The following CACNA2D3 variants were observed in gnomAD, a reference collection of about 807,000 sequenced individuals.
CACNA2D3 encodes voltage-dependent calcium channel subunit alpha-2/delta-3.
In CACNA2D3, 60 loss-of-function variants were observed where a neutral mutation model predicts 160.6. The ratio of observed to expected loss-of-function variants is 0.37; its 90% CI spans 0.30 to 0.46. The LOEUF is 0.46. CACNA2D3 is among the 20% of genes least tolerant of loss of function. The pLI, the probability that CACNA2D3 is intolerant of heterozygous loss-of-function variation, is 1.00. For missense variants in CACNA2D3, 1,205 were observed against 1,365.0 expected (o/e 0.88, Z 1.85); for synonymous variants, 558 against 492.9 (o/e 1.13, Z -1.75).
intron 11 of CACNA2D3, among the ~76,000 whole-genome samples, chr3:54,738,135 G>A (rs778132586): frequency 6.6e-6 from 1 of 152,172 alleles, no homozygotes; most frequent in African/African-American, 2.4e-5. Flanking sequence ...TTAGCAAGAA[G>A]GTTCCAAATA....
chr3:54,918,622 G>T, intron 27 of CACNA2D3: 1 of 1,614,194 alleles, frequency 6.2e-7, no homozygotes, highest in South Asian at 1.1e-5. Context: ...CACAACGCCA[G>T]TGATGATGAC....
chr3:54,263,850 G>A (rs906397978), intron 2 of CACNA2D3, among the ~76,000 whole-genome samples: 2 of 152,160 alleles, frequency 1.3e-5, no homozygotes, highest in Non-Finnish European at 2.9e-5. Flanking sequence ...ACCTGGCAGG[G>A]CTGGAATCTC....
intron 4 of CACNA2D3, among the ~76,000 whole-genome samples, chr3:54,476,880 A>G (rs576692945): frequency 1.3e-5 from 2 of 152,344 alleles, no homozygotes; most frequent in South Asian, 4.1e-4. Flanking sequence ...TTTCTAAGAC[A>G]TCAATAACTT....
Position 54,674,740 on chromosome 3 carries a change from TCAACTATTTTGAGGTCC to T in CACNA2D3, c.1167+32504_1167+32520del, listed in dbSNP as rs1213702442. 2.0e-5 allele frequency among the ~76,000 whole-genome samples: 3 copies of T among 152,096 alleles called. No individual in the cohort carries two copies. The East Asian group carries it at 5.8e-4, about 29-fold the overall frequency. ...GAGAGAGGTGGTAGACAGTGGAGGA[TCAACTATTTTGAGGTCC>T]CAACATATGGGAAGTGAGCTGATGG... On this transcript the variant is annotated intron_variant, in intron 11 of 37. Coordinates refer to ENST00000474759, the MANE Select transcript of CACNA2D3 (RefSeq NM_018398.3).
chr3:54,663,734 G>A (rs1700012749), intron 11 of CACNA2D3, among the ~76,000 whole-genome samples: 1 of 152,206 alleles, frequency 6.6e-6, no homozygotes, highest in African/African-American at 2.4e-5. Flanking sequence ...GCAGATGGGG[G>A]CTGAGCCCCT....
At chr3:55,041,057 A>G (rs1305838868) in intron 35 of CACNA2D3, among the ~76,000 whole-genome samples, 2 of 152,158 alleles carry the variant, frequency 1.3e-5, no homozygotes, top group Non-Finnish European at 2.9e-5. Flanking sequence ...GCCTTTCTTC[A>G]TATTATATTA....
intron 2 of CACNA2D3, among the ~76,000 whole-genome samples, chr3:54,312,883 G>A (rs1412449137): frequency 6.6e-6 from 1 of 152,130 alleles, no homozygotes; most frequent in Non-Finnish European, 1.5e-5. Context: ...GCCTTGCTGG[G>A]GCATCTCTGC....
chr3:54,191,292 GTTTTTTGTGATGGCAGAT>G (rs1342179482), intron 2 of CACNA2D3, among the ~76,000 whole-genome samples: 1 of 152,118 alleles, frequency 6.6e-6, no homozygotes, highest in East Asian at 1.9e-4. Context: ...ATCTTCAGTG[GTTTTTTGTGATGGCAGAT>G]CACATCAGAT....
intron 13 of CACNA2D3, among the ~76,000 whole-genome samples, chr3:54,788,030 T>C (rs955482193): frequency 1.3e-5 from 2 of 152,228 alleles, no homozygotes; most frequent in African/African-American, 2.4e-5. Context: ...TAATCATTGC[T>C]GTTGGCTTCT....
chr3:54,531,851 C>T (rs1056531442), intron 5 of CACNA2D3, among the ~76,000 whole-genome samples: 1 of 152,230 alleles, frequency 6.6e-6, no homozygotes, highest in Non-Finnish European at 1.5e-5. Context: ...CATGTTGTCA[C>T]TGCGCTAGTC....
intron 4 of CACNA2D3, among the ~76,000 whole-genome samples, chr3:54,451,814 A>G (rs1700313096): frequency 6.6e-6 from 1 of 152,206 alleles, no homozygotes; most frequent in Non-Finnish European, 1.5e-5. Flanking sequence ...GTCATCACTT[A>G]TAAGTTCTGC....
At chr3:55,068,867 G>A (rs1350309972) in intron 35 of CACNA2D3, among the ~76,000 whole-genome samples, 1 of 152,158 alleles carries the variant, frequency 6.6e-6, no homozygotes, top group Non-Finnish European at 1.5e-5. Flanking sequence ...TTACTTTACT[G>A]AGAAGTAAAA....
chr3:54,626,907 C>T (rs1160210605), intron 9 of CACNA2D3, among the ~76,000 whole-genome samples: 2 of 152,048 alleles, frequency 1.3e-5, no homozygotes, highest in African/African-American at 2.4e-5. Flanking sequence ...TGTGGGGTTT[C>T]GCAGTTACTT....
intron 27 of CACNA2D3, among the ~76,000 whole-genome samples, chr3:54,912,735 T>A (rs1013830127): frequency 2.0e-5 from 3 of 152,138 alleles, no homozygotes; most frequent in African/African-American, 7.2e-5. Flanking sequence ...TTGTATTTCT[T>A]TATCTTCTCC....
At position 54,785,393 on chromosome 3, in the gene CACNA2D3, A is replaced by G. The variant is rs138283942; in HGVS notation, c.1380+21042A>G. On this transcript the variant is annotated intron_variant, in intron 13 of 37. Coordinates refer to ENST00000474759, the MANE Select transcript of CACNA2D3 (RefSeq NM_018398.3). ...ATCCAGCCATGTGTGAATTTCAAGCAGTCTGTGATCCCTCCCATCAAAACT... is the reference window on the plus strand; with the variant it reads ...ATCCAGCCATGTGTGAATTTCAAGCGGTCTGTGATCCCTCCCATCAAAACT... 2.4e-4 allele frequency among the ~76,000 whole-genome samples: 36 copies of G among 152,284 alleles called. 1 individual carries two copies. The East Asian group carries it at 6.4e-3, about 27-fold the overall frequency.
intron 35 of CACNA2D3, among the ~76,000 whole-genome samples, chr3:55,033,590 A>ATG (rs1703725181): frequency 1.3e-5 from 1 of 75,390 alleles, no homozygotes; most frequent in African/African-American, 5.2e-5. Context: ...GTGTGTATAT[A>ATG]TATATATATA....
chr3:54,611,281 G>A (rs974302804), intron 9 of CACNA2D3, among the ~76,000 whole-genome samples: 2 of 152,190 alleles, frequency 1.3e-5, no homozygotes, highest in Non-Finnish European at 2.9e-5. Context: ...TGAGTCACAT[G>A]TTTCTAATTG....
At chr3:54,640,197 G>A (rs1699485028) in intron 10 of CACNA2D3, among the ~76,000 whole-genome samples, 2 of 152,204 alleles carry the variant, frequency 1.3e-5, no homozygotes, top group African/African-American at 4.8e-5. Context: ...GGGCTCAGAG[G>A]CCTGACATTC....
At chr3:54,312,917 G>T (rs1269193170) in intron 2 of CACNA2D3, among the ~76,000 whole-genome samples, 1 of 152,176 alleles carries the variant, frequency 6.6e-6, no homozygotes, top group Non-Finnish European at 1.5e-5. Context: ...CCGGGGTTAG[G>T]CCCAGTGAAG....
Sources: gnomAD v4.1 joint callset for allele counts (sites outside exome capture counted in the v4.1 genomes callset) on GRCh38, gnomAD v4.1.1 for gene constraint, MANE v1.5 for transcripts, NCBI Gene and HGNC (gene_info 2026-07-23, HGNC 2026-07-21) for gene names.